The following PSD3 variants were observed in gnomAD, a reference collection of about 807,000 sequenced individuals.
PSD3 encodes the protein PH and SEC7 domain-containing protein 3.
PSD3 carries 49 observed loss-of-function variants against 105.5 expected under a neutral mutation model. The observed-to-expected ratio is 0.46, with a 90% CI of 0.37 to 0.59. The LOEUF is 0.59. Among genes scored for constraint, PSD3 ranks in the 20% least tolerant of loss-of-function variants. The pLI is 0.00. For synonymous variants in PSD3, 557 were observed against 457.8 expected, an observed-to-expected ratio of 1.22 and a Z score of -2.77; for missense variants, 1,561 against 1,263.8, an observed-to-expected ratio of 1.24 and a Z score of -3.57.
At chr8:18,769,667 C>G (rs2129444152) in intron 8 of PSD3, among the ~76,000 whole-genome samples, 1 of 152,312 alleles carries the variant, frequency 6.6e-6, no homozygotes, top group Non-Finnish European at 1.5e-5. Flanking sequence ...ACCTGGCAAG[C>G]ACAAATCTGC....
At chr8:18,920,117 T>C (rs1355150635) in intron 2 of PSD3, among the ~76,000 whole-genome samples, 1 of 151,450 alleles carries the variant, frequency 6.6e-6, no homozygotes, top group Admixed American at 6.6e-5. Context: ...AGGTTCACAA[T>C]GATCATTTCC....
intron 4 of PSD3, among the ~76,000 whole-genome samples, chr8:18,821,816 T>G (rs1299090087): frequency 1.0e-5 from 1 of 99,684 alleles, no homozygotes; most frequent in African/African-American, 3.9e-5. Context: ...AGCCTCTCAC[T>G]TCAAGTGTTT....
intron 2 of PSD3, among the ~76,000 whole-genome samples, chr8:18,892,092 T>C (rs1209137083): frequency 3.3e-5 from 5 of 152,098 alleles, no homozygotes. Context: ...AGTCACTCTT[T>C]TACATTATTT....
chr8:18,567,667 T>C (rs1222067196), intron 14 of PSD3, among the ~76,000 whole-genome samples: 4 of 152,152 alleles, frequency 2.6e-5, no homozygotes, highest in Admixed American at 2.6e-4. Flanking sequence ...TTACTACTAG[T>C]CTTTCTGTTT....
chr8:18,827,902 C>T (rs922156134), intron 4 of PSD3, among the ~76,000 whole-genome samples: 1 of 148,706 alleles, frequency 6.7e-6, no homozygotes, highest in Non-Finnish European at 1.5e-5. Context: ...CAAAGATAAG[C>T]CAGACTTTTA....
chr8:18,688,300 C>T (rs1800778204), intron 9 of PSD3, among the ~76,000 whole-genome samples: 1 of 151,998 alleles, frequency 6.6e-6, no homozygotes, highest in African/African-American at 2.4e-5. Flanking sequence ...TCTTGCTATG[C>T]TGTCCAGGCT....
intron 1 of PSD3, among the ~76,000 whole-genome samples, chr8:18,991,249 A>C (rs1352236121): frequency 1.3e-5 from 2 of 152,092 alleles, no homozygotes; most frequent in East Asian, 3.8e-4. Context: ...AAAATACACA[A>C]ACAAAAAATT....
intron 2 of PSD3, among the ~76,000 whole-genome samples, chr8:18,899,642 T>A (rs1819374782): frequency 6.6e-6 from 1 of 152,034 alleles, no homozygotes; most frequent in South Asian, 2.1e-4. Flanking sequence ...CTCATAGAGT[T>A]CTGGGTGGCT....
At chr8:18,642,501 T>C (rs1329634629) in intron 10 of PSD3, among the ~76,000 whole-genome samples, 5 of 152,192 alleles carry the variant, frequency 3.3e-5, no homozygotes, top group Admixed American at 1.3e-4. Context: ...TAGCAATTGA[T>C]ATAGAGGATA....
intron 1 of PSD3, among the ~76,000 whole-genome samples, chr8:19,049,824 C>A (rs1391549902): frequency 6.6e-6 from 1 of 151,980 alleles, no homozygotes; most frequent in Non-Finnish European, 1.5e-5. Context: ...AGACACAGAG[C>A]AGCATGGCAA....
chr8:19,045,079 G>T (rs559666670), intron 1 of PSD3, among the ~76,000 whole-genome samples: 1 of 152,244 alleles, frequency 6.6e-6, no homozygotes, highest in Admixed American at 6.5e-5. Flanking sequence ...CAGCTACTTG[G>T]GAGGCTAAGG....
chr8:18,840,260 T>C (rs970892654), intron 4 of PSD3, among the ~76,000 whole-genome samples: 1 of 151,940 alleles, frequency 6.6e-6, no homozygotes. Context: ...CTCTGAGTAA[T>C]AGGTGGGGAA....
intron 1 of PSD3, among the ~76,000 whole-genome samples, chr8:19,061,539 G>T (rs891640430): frequency 2.0e-5 from 3 of 151,958 alleles, no homozygotes; most frequent in Admixed American, 6.6e-5. Context: ...CAGGTGCGGA[G>T]GCTCACGCCT....
intron 11 of PSD3, among the ~76,000 whole-genome samples, chr8:18,630,205 C>A (rs1806793934): frequency 1.3e-5 from 2 of 151,678 alleles, no homozygotes; most frequent in South Asian, 4.2e-4. Flanking sequence ...AGACAAAAGC[C>A]CCATGACACT....
intron 9 of PSD3, among the ~76,000 whole-genome samples, chr8:18,664,954 T>A (rs150791522): frequency 6.6e-6 from 1 of 152,182 alleles, no homozygotes; most frequent in African/African-American, 2.4e-5. Flanking sequence ...TCGAGACCTA[T>A]TGCTCAGAAA....
intron 9 of PSD3, among the ~76,000 whole-genome samples, chr8:18,664,020 A>T (rs1487763): frequency 6.6e-6 from 1 of 152,052 alleles, no homozygotes; most frequent in Admixed American, 6.5e-5. Flanking sequence ...CCATCTCCAC[A>T]TAAGATGGTA....
chr8:18,795,401 C>G (rs77012668), intron 8 of PSD3, among the ~76,000 whole-genome samples: 3,237 of 152,294 alleles, frequency 0.021, 160 homozygotes, highest in East Asian at 0.14. Context: ...TCTGCCAATA[C>G]TGGAGAACAG....
intron 2 of PSD3, among the ~76,000 whole-genome samples, chr8:18,874,318 T>G (rs1281640423): frequency 6.6e-6 from 1 of 151,900 alleles, no homozygotes; most frequent in Non-Finnish European, 1.5e-5. Flanking sequence ...CGTGCCACCA[T>G]GCCCAGCTAA....
intron 1 of PSD3, among the ~76,000 whole-genome samples, chr8:19,076,637 G>A (rs1384839449): frequency 6.6e-6 from 1 of 152,162 alleles, no homozygotes; most frequent in Non-Finnish European, 1.5e-5. Flanking sequence ...GAAACACAGT[G>A]AATATGAAAT....
Sources: gnomAD v4.1 joint callset for allele counts (sites outside exome capture counted in the v4.1 genomes callset) on GRCh38, gnomAD v4.1.1 for gene constraint, MANE v1.5 for transcripts, NCBI Gene and HGNC (gene_info 2026-07-23, HGNC 2026-07-21) for gene names.